Variants in PLEKHG5 observed in about 807,000 individuals in gnomAD.
PLEKHG5 encodes the protein pleckstrin homology and RhoGEF domain containing G5.
PLEKHG5 carries 52 observed loss-of-function variants against 103.8 expected under a neutral mutation model. The ratio of observed to expected loss-of-function variants is 0.50; its 90% confidence interval spans 0.40 to 0.63. The LOEUF (loss-of-function observed/expected upper bound fraction) is 0.63. Ranked by LOEUF, PLEKHG5 falls within the 30% of genes least tolerant of loss-of-function variation. The pLI is 0.00. For synonymous variants in PLEKHG5, 592 were observed against 575.5 expected (o/e 1.03, Z -0.41); for missense variants, 1,205 against 1,347.6 (o/e 0.89, Z 1.66).
chr1:6,475,950 TCTCCTC>T lies in PLEKHG5; in HGVS notation c.124_129del (p.Glu42_Glu43del). ...ACCTACCCTTTGCCATCCACAGAGC[TCTCCTC>T]CTCCTCCTCCTCCAAGTCCACTGCG... On this transcript the variant is annotated inframe_deletion, in exon 3 of 21. Transcript: ENST00000377728. The T allele has an allele frequency of 6.2e-7, 1 of 1,612,302 alleles. No individual in the cohort carries two copies. Among genetic ancestry groups the T allele is most frequent in the Non-Finnish European group, 8.5e-7 (1 of 1,178,608 alleles).
In PLEKHG5 at chr1:6,473,029, A is replaced by C. The variant is rs1644640193; in HGVS notation, c.941T>G (p.Leu314Arg). 2 of 1,613,932 alleles carry C rather than the reference A, an allele frequency of 1.2e-6. No individual in the cohort carries two copies. The highest frequency in any genetic ancestry group is 2.2e-5 in the South Asian group (2 of 91,092). ...CTCCCGCCAGCTGTCCTCCAGCCTC[A>C]GGCAGGCATTGTCCTCATCCTCGTC... ...DEDEDEDNACLRLEDSWRELI... is the reference protein window; with the variant it reads ...DEDEDEDNACRRLEDSWRELI... Residue 314 changes from leucine to arginine, a missense_variant, in exon 9 of 21, where the codon CTG becomes CGG. Transcript: ENST00000377728.
chr1:6,512,014 C>T (rs78565876), intron 1 of PLEKHG5, among the ~76,000 whole-genome samples: 4,258 of 152,276 alleles, frequency 0.028, 202 homozygotes, highest in African/African-American at 0.098. Flanking sequence ...TAACATCTGC[C>T]GGTGTCCTAT....
intron 19 of PLEKHG5, among the ~76,000 whole-genome samples, 149 bp downstream of exon 19, chr1:6,468,887 TCCCCAC>T (rs1425005262): frequency 6.6e-6 from 1 of 152,024 alleles, no homozygotes; most frequent in African/African-American, 2.4e-5. Flanking sequence ...GTGTCTGCCC[TCCCCAC>T]CCGGACTCTG....
At chr1:6,472,698 A>C (rs1244291903) in intron 9 of PLEKHG5, 76 bp from the exon 10 acceptor site, 1 of 1,035,314 alleles carries the variant, frequency 9.7e-7, no homozygotes, top group African/African-American at 1.6e-5. Flanking sequence ...AGCAACCTGC[A>C]TGCAACTCTC....
intron 1 of PLEKHG5, chr1:6,485,254 C>T: frequency 6.6e-6 from 7 of 1,062,670 alleles, no homozygotes; most frequent in Non-Finnish European, 8.6e-6. Context: ...TGGCCTCCCG[C>T]ACAGGACTGG....
chr1:6,511,655 T>G lies in PLEKHG5; in HGVS notation c.-165+7790A>C, dbSNP rs75917141. On this transcript the variant is annotated intron_variant, in intron 1 of 21. Coordinates refer to the PLEKHG5 transcript ENST00000377740. ...GACTGAGGCATGTGAGATGGGGGAC[T>G]GAGGCAGCAGGGCCACGACAGGGCT... Among the ~76,000 whole-genome samples, 1,478 of 152,300 alleles carry G rather than the reference T, an allele frequency of 9.7e-3. 27 individuals carry two copies. Among genetic ancestry groups the G allele is most frequent in the African/African-American group, 0.034 (1,399 of 41,560 alleles).
chr1:6,515,595 G>A lies in PLEKHG5; in HGVS notation c.-165+3850C>T, dbSNP rs563921236. ...TAATCCCAGCACTTGGGAAGGCTGA[G>A]GTGGGAGAATCATTTGAGGCCAGGA... On this transcript the variant is annotated intron_variant, in intron 1 of 21. Coordinates refer to the PLEKHG5 transcript ENST00000377740. 9.9e-5 allele frequency among the ~76,000 whole-genome samples: 15 copies of A among 152,132 alleles called. No homozygotes were observed. The South Asian group carries it at 1.9e-3, about 19-fold the overall frequency.
At chr1:6,475,335 C>A in intron 4 of PLEKHG5, 127 bp downstream of exon 4, 1 of 833,818 alleles carries the variant, frequency 1.2e-6, no homozygotes, top group South Asian at 1.3e-5. Context: ...GGAACCCCAG[C>A]GATCTCCCAG....
At chr1:6,517,096 A>C (rs1332342843) in intron 1 of PLEKHG5, among the ~76,000 whole-genome samples, 7 of 148,370 alleles carry the variant, frequency 4.7e-5, no homozygotes, top group Admixed American at 6.6e-5. Context: ...AAAAATACAA[A>C]AAAAAAGGCC....
At chr1:6,515,399 C>G (rs376971183) in intron 1 of PLEKHG5, among the ~76,000 whole-genome samples, 6 of 152,000 alleles carry the variant, frequency 3.9e-5, no homozygotes, top group African/African-American at 1.4e-4. Flanking sequence ...TGGTGGCGGG[C>G]GCCTGTAGTC....
At chr1:6,517,627 C>T (rs1369249344) in intron 1 of PLEKHG5, among the ~76,000 whole-genome samples, 1 of 152,184 alleles carries the variant, frequency 6.6e-6, no homozygotes, top group Non-Finnish European at 1.5e-5. Flanking sequence ...AAAAAGTCAG[C>T]AGCTCAGATT....
At chr1:6,516,237 G>A (rs1026422094) in intron 1 of PLEKHG5, among the ~76,000 whole-genome samples, 1 of 152,034 alleles carries the variant, frequency 6.6e-6, no homozygotes, top group Non-Finnish European at 1.5e-5. Context: ...CAGCCTAAGC[G>A]ATATAGCAAG....
Position 6,473,337 on chromosome 1 carries a change from T to A in PLEKHG5, c.709A>T (p.Asn237Tyr). 6.4e-7 allele frequency: 1 copy of A among 1,557,106 alleles called. No individual in the cohort carries two copies. The highest frequency in any genetic ancestry group is 8.7e-7 in the Non-Finnish European group (1 of 1,151,310). Reference protein sequence around the residue: ...SLPSGSSGSTNTGDSWKNRAA... With the variant: ...SLPSGSSGSTYTGDSWKNRAA... ...CGGTTCTTCCAGCTGTCGCCAGTGT[T>A]GGTGCTGCCACTGCTGCCGCTGGGC... Residue 237 changes from asparagine to tyrosine, a missense_variant, in exon 8 of 21, where the codon AAC becomes TAC. Transcript: ENST00000377728.
chr1:6,508,023 A>G (rs932925951), intron 1 of PLEKHG5, among the ~76,000 whole-genome samples: 9 of 151,874 alleles, frequency 5.9e-5, no homozygotes, highest in Non-Finnish European at 1.3e-4. Context: ...GCCTTTACCC[A>G]GCCTCGGCCC....
chr1:6,497,762 G>A (rs1378141271), upstream of PLEKHG5, among the ~76,000 whole-genome samples: 1 of 152,134 alleles, frequency 6.6e-6, no homozygotes, highest in East Asian at 1.9e-4. This position sits in a 1 kb window ranked among gnomAD's most constrained non-coding sequence, Gnocchi z 6.1. Flanking sequence ...CAACACGGAG[G>A]CTGCCCCGCG....
At chr1:6,482,641 G>A (rs1157082198) in intron 1 of PLEKHG5, among the ~76,000 whole-genome samples, 1 of 152,236 alleles carries the variant, frequency 6.6e-6, no homozygotes, top group Non-Finnish European at 1.5e-5. Flanking sequence ...CACACAGCCA[G>A]TGGATCTAGG....
intron 1 of PLEKHG5, among the ~76,000 whole-genome samples, chr1:6,507,575 C>T (rs1638358857): frequency 6.6e-6 from 1 of 152,146 alleles, no homozygotes; most frequent in Admixed American, 6.5e-5. Context: ...AACAGAGACC[C>T]AAGGCCCAGG....
At position 6,511,314 on chromosome 1, in the gene PLEKHG5, G is replaced by A. The variant is rs140069744; in HGVS notation, c.-165+8131C>T. The stretch of plus-strand genomic sequence containing the variant: ...CCCTGTGCCAGCCCTGGGTGCTGCT[G>A]GGGTGGGGGATGGACCAAAGAGGAC... On this transcript the variant is annotated intron_variant, in intron 1 of 21. Transcript: ENST00000377740. Among the ~76,000 whole-genome samples the A allele has an allele frequency of 3.3e-5, 5 of 152,274 alleles. No homozygotes were observed. In the East Asian group the frequency reaches 7.7e-4, roughly 24 times the overall value.
rs1039639796 is a variant in PLEKHG5, at chr1:6,471,118, A to C, written c.1282-18T>G. 9 of 1,556,086 alleles carry C rather than the reference A, an allele frequency of 5.8e-6. No homozygotes were observed. The highest frequency in any genetic ancestry group is 2.4e-5 in the South Asian group (2 of 84,956). ...GAGCCGAACTGGCCCGGGGCAGAAC[A>C]ACCACGGCGCCGGTTACCGCGCGCT... is the stretch of plus-strand genomic sequence containing the variant. On this transcript the variant is annotated intron_variant, in intron 12 of 20. Coordinates refer to ENST00000377728, the MANE Select transcript of PLEKHG5 (RefSeq NM_020631.6).
Sources: allele counts gnomAD v4.1 joint callset (sites outside exome capture counted in the v4.1 genomes callset), GRCh38; gene constraint gnomAD v4.1.1; non-coding constraint Gnocchi (gnomAD v3.1); transcripts MANE v1.5; gene names NCBI Gene and HGNC (gene_info 2026-07-23, HGNC 2026-07-21).